Variants in LRP1B observed in about 807,000 individuals in gnomAD.
LRP1B encodes LDL receptor related protein 1B.
In LRP1B, 217 loss-of-function variants were observed where a neutral mutation model predicts 556.6. The observed-to-expected ratio is 0.39, with a 90% CI of 0.35 to 0.44. The LOEUF (loss-of-function observed/expected upper bound fraction) is 0.44. Among genes scored for constraint, LRP1B ranks in the 20% least tolerant of loss-of-function variants. The pLI is 1.00. For synonymous variants in LRP1B, 2,047 were observed against 1,865.8 expected (o/e 1.10, Z -2.50); for missense variants, 5,053 against 5,620.8 (o/e 0.90, Z 3.23).
intron 3 of LRP1B, among the ~76,000 whole-genome samples, chr2:141,464,611 T>TTTTTTTTTTTTTTTTTTTTTTTTTTTTG (rs1682103249): frequency 7.2e-6 from 1 of 139,842 alleles, no homozygotes; most frequent in African/African-American, 2.7e-5. Context: ...TATATATTTT[T>TTTTTTTTTTTTTTTTTTTTTTTTTTTTG]TTAGTAGAGA....
rs150501064 is a variant in LRP1B, at chr2:141,823,521, G to A, written c.83-13120C>T. Among the ~76,000 whole-genome samples, 415 of 152,252 alleles carry A rather than the reference G, an allele frequency of 2.7e-3. 4 individuals carry two copies. Among genetic ancestry groups the A allele is most frequent in the African/African-American group, 9.2e-3 (384 of 41,556 alleles). ...GCATCCCCGAAAAGGTCTTTCTTTA[G>A]CATTTTAATAAAAGAATACAAGATT... is the stretch of plus-strand genomic sequence containing the variant. On this transcript the variant is annotated intron_variant, in intron 1 of 90. Coordinates refer to ENST00000389484, the MANE Select transcript of LRP1B (RefSeq NM_018557.3).
chr2:142,052,477 C>T (rs1704495434), intron 1 of LRP1B, among the ~76,000 whole-genome samples: 1 of 152,044 alleles, frequency 6.6e-6, no homozygotes, highest in Non-Finnish European at 1.5e-5. Flanking sequence ...TGCGTGCATC[C>T]CAGATTATCC....
chr2:141,780,561 C>T (rs1016219344), intron 2 of LRP1B, among the ~76,000 whole-genome samples: 1 of 152,076 alleles, frequency 6.6e-6, no homozygotes, highest in Admixed American at 6.6e-5. Context: ...ATTCTCCCAC[C>T]ACGGGCTATT....
chr2:141,653,316 T>G (rs1377523210), intron 2 of LRP1B, among the ~76,000 whole-genome samples: 1 of 152,136 alleles, frequency 6.6e-6, no homozygotes, highest in African/African-American at 2.4e-5. Flanking sequence ...GGAGAGTTCA[T>G]GATGAAGCTT....
chr2:141,698,693 C>T (rs1691827569), intron 2 of LRP1B, among the ~76,000 whole-genome samples: 2 of 150,972 alleles, frequency 1.3e-5, no homozygotes, highest in South Asian at 4.2e-4. Context: ...ATAGAAATTA[C>T]TCAATAGCAA....
chr2:141,371,490 T>C (rs551035712), intron 3 of LRP1B, among the ~76,000 whole-genome samples: 6 of 152,324 alleles, frequency 3.9e-5, no homozygotes, highest in East Asian at 3.9e-4. Flanking sequence ...ACAATATTAA[T>C]TCTTCCAATC....
intron 2 of LRP1B, among the ~76,000 whole-genome samples, chr2:141,714,991 G>A (rs1379985975): frequency 6.6e-6 from 1 of 152,006 alleles, no homozygotes; most frequent in East Asian, 1.9e-4. Flanking sequence ...TATGATTTTT[G>A]CTTTATACTA....
At chr2:140,735,714 T>G (rs562260204) in intron 35 of LRP1B, among the ~76,000 whole-genome samples, 5 of 152,296 alleles carry the variant, frequency 3.3e-5, no homozygotes, top group East Asian at 3.9e-4. Flanking sequence ...ATATCTCACC[T>G]GCAAGGCAAC....
intron 10 of LRP1B, among the ~76,000 whole-genome samples, 156 bp from the exon 11 acceptor site, chr2:141,049,378 G>A (rs534265270): frequency 6.6e-6 from 1 of 152,020 alleles, no homozygotes; most frequent in Admixed American, 6.6e-5. Context: ...ATGCAAGAAG[G>A]CCAGCTAATT....
At chr2:141,656,479 TATG>T (rs1213252155) in intron 2 of LRP1B, among the ~76,000 whole-genome samples, 1 of 152,174 alleles carries the variant, frequency 6.6e-6, no homozygotes, top group African/African-American at 2.4e-5. Context: ...AATATCAGGT[TATG>T]ATATTATAAA....
At chr2:140,364,944 A>AT (rs199738136) in intron 71 of LRP1B, among the ~76,000 whole-genome samples, 161 bp from the exon 72 acceptor site, 3 of 151,332 alleles carry the variant, frequency 2.0e-5, no homozygotes, top group East Asian at 1.9e-4. Context: ...GTAATATTCA[A>AT]TTTTTTTTAA....
intron 1 of LRP1B, among the ~76,000 whole-genome samples, chr2:142,051,471 G>GT (rs761704688): frequency 2.7e-5 from 4 of 150,078 alleles, no homozygotes; most frequent in Non-Finnish European, 5.9e-5. Flanking sequence ...GTGTTTTTTT[G>GT]TTTTTTTGTT....
intron 32 of LRP1B, among the ~76,000 whole-genome samples, chr2:140,791,016 G>A (rs1690100471): frequency 1.3e-5 from 2 of 151,734 alleles, no homozygotes; most frequent in African/African-American, 4.8e-5. Flanking sequence ...AGGACTTTGG[G>A]AGGCCGAGGA....
chr2:141,119,374 T>C (rs1336156541), intron 7 of LRP1B, among the ~76,000 whole-genome samples: 1 of 151,946 alleles, frequency 6.6e-6, no homozygotes, highest in African/African-American at 2.4e-5. Context: ...TAGGGGTCTC[T>C]ATGCATTCTC....
intron 2 of LRP1B, among the ~76,000 whole-genome samples, chr2:141,626,169 A>G (rs541352986): frequency 6.6e-5 from 10 of 152,282 alleles, no homozygotes; most frequent in African/African-American, 2.4e-4. Flanking sequence ...CATAAATACA[A>G]TGAATTGACT....
rs1185598719 is a variant in LRP1B at position 141,977,559 on chromosome 2, C to CTTTCTT, written c.82+153088_82+153089insAAGAAA. Among the ~76,000 whole-genome samples the CTTTCTT allele has an allele frequency of 9.2e-5, 14 of 151,968 alleles. No homozygotes were observed. The South Asian group carries it at 2.3e-3, about 25-fold the overall frequency. ...CCTGGGTGACAGAGCAAGACTTCAT[C>CTTTCTT]TCAAAAAAAAGTGATTCCTACCTTT... On this transcript the variant is annotated intron_variant, in intron 1 of 90. Coordinates refer to ENST00000389484, the MANE Select transcript of LRP1B (RefSeq NM_018557.3).
chr2:140,481,345 G>A (rs1047093442), intron 59 of LRP1B, among the ~76,000 whole-genome samples: 2 of 151,840 alleles, frequency 1.3e-5, no homozygotes, highest in African/African-American at 4.8e-5. Flanking sequence ...GAAAAATCTG[G>A]GACCAAAGCC....
At chr2:141,013,417 T>A in intron 14 of LRP1B, 139 bp downstream of exon 14, 1 of 665,334 alleles carries the variant, frequency 1.5e-6, no homozygotes, top group Non-Finnish European at 2.4e-6. Context: ...TAACAAAATC[T>A]GATTTGATTG....
At chr2:140,770,035 T>C (rs10928071) in intron 34 of LRP1B, among the ~76,000 whole-genome samples, 64,693 of 151,612 alleles carry the variant, frequency 0.43, 15,207 homozygotes, top group East Asian at 0.58. Context: ...ATTTATATTT[T>C]TTTCTTATTA....
Sources: allele counts gnomAD v4.1 joint callset (sites outside exome capture counted in the v4.1 genomes callset), GRCh38; gene constraint gnomAD v4.1.1; transcripts MANE v1.5; gene names NCBI Gene and HGNC (gene_info 2026-07-23, HGNC 2026-07-21).